MTHFD2L: variants seen among roughly 807,000 people sequenced by gnomAD.
MTHFD2L encodes methylenetetrahydrofolate dehydrogenase (NADP+ dependent) 2 like.
MTHFD2L carries 29 observed loss-of-function variants against 34.9 expected under a neutral mutation model. The ratio of observed to expected loss-of-function variants is 0.83; its 90% CI spans 0.62 to 1.13. The LOEUF (loss-of-function observed/expected upper bound fraction) is 1.13. Ranked by LOEUF, MTHFD2L falls within the 50% of genes most tolerant of loss-of-function variation. The pLI, the probability that MTHFD2L is intolerant of heterozygous loss-of-function variation, is 0.00. For synonymous variants in MTHFD2L, 167 were observed against 155.7 expected (o/e 1.07, Z -0.54); for missense variants, 481 against 446.5 (o/e 1.08, Z -0.70).
chr4:74,194,309 A>G (rs1315520299), intron 3 of MTHFD2L: 2 of 152,200 alleles, frequency 1.3e-5, no homozygotes, highest in African/African-American at 4.8e-5. Context: ...TTAAGCAAGT[A>G]GGACTGAATA....
At chr4:74,280,762 T>C (rs776999605) in intron 6 of MTHFD2L, among the ~76,000 whole-genome samples, 1 of 151,848 alleles carries the variant, frequency 6.6e-6, no homozygotes, top group Non-Finnish European at 1.5e-5. Flanking sequence ...ATAAGACCAA[T>C]AGTGAGGAGA....
upstream of MTHFD2L, among the ~76,000 whole-genome samples, chr4:74,122,854 T>G (rs886306415): frequency 5.2e-4 from 79 of 152,236 alleles, no homozygotes; most frequent in African/African-American, 1.9e-3. Flanking sequence ...TCACCATTAA[T>G]TTCCTAGTTT....
chr4:74,271,880 T>C (rs527301190), intron 6 of MTHFD2L, among the ~76,000 whole-genome samples: 25 of 152,238 alleles, frequency 1.6e-4, no homozygotes, highest in South Asian at 6.2e-4. Context: ...TGAAGAGGTC[T>C]TTCACATCCC....
chr4:74,140,375 A>T (rs1234367226), intron 1 of MTHFD2L: 1 of 221,240 alleles, frequency 4.5e-6, no homozygotes, highest in Non-Finnish European at 7.6e-6. Flanking sequence ...TGTCTGGCAT[A>T]AAGCAAACCT....
chr4:74,249,792 A>G (rs1449399795), intron 6 of MTHFD2L, among the ~76,000 whole-genome samples: 1 of 152,160 alleles, frequency 6.6e-6, no homozygotes, highest in Non-Finnish European at 1.5e-5. Context: ...TTTCTTTAAG[A>G]ATGTTGAATA....
In MTHFD2L at chr4:74,239,901, A is replaced by G. The variant is rs183973179; in HGVS notation, c.805+14507A>G. Among the ~76,000 whole-genome samples, 143 of 152,330 alleles carry G rather than the reference A, an allele frequency of 9.4e-4. 1 individual carries two copies. Among genetic ancestry groups the G allele is most frequent in the Middle Eastern group, 3.4e-3 (1 of 294 alleles). On this transcript the variant is annotated intron_variant, in intron 6 of 7. Transcript: ENST00000325278. Reference sequence around the variant, plus strand: ...GAAAGATTCCTTGTCTCTGTAAAATACACAGACACATACACTCCCAAATCC... The same window carrying G: ...GAAAGATTCCTTGTCTCTGTAAAATGCACAGACACATACACTCCCAAATCC...
chr4:74,135,009 CAA>C (rs1722807415), intron 1 of MTHFD2L, among the ~76,000 whole-genome samples: 3 of 152,004 alleles, frequency 2.0e-5, no homozygotes, highest in South Asian at 4.2e-4. Flanking sequence ...TATTGATGTT[CAA>C]GAGAGAGCAG....
At chr4:74,173,548 GAGTAAGTTAA>G (rs761295766) in intron 1 of MTHFD2L, among the ~76,000 whole-genome samples, 33 of 152,194 alleles carry the variant, frequency 2.2e-4, no homozygotes, top group Non-Finnish European at 4.1e-4. Flanking sequence ...ATTTTTCTTT[GAGTAAGTTAA>G]AAGAGTTGTG....
intron 6 of MTHFD2L, among the ~76,000 whole-genome samples, chr4:74,255,227 G>GGGAA (rs1445352906): frequency 2.0e-5 from 3 of 151,842 alleles, no homozygotes; most frequent in Non-Finnish European, 4.4e-5. Flanking sequence ...TAATTTGTGG[G>GGGAA]GGAAGGAGAA....
At chr4:74,232,787 C>T (rs1180357591) in intron 6 of MTHFD2L, among the ~76,000 whole-genome samples, 1 of 149,300 alleles carries the variant, frequency 6.7e-6, no homozygotes, top group Non-Finnish European at 1.5e-5. Context: ...TATTTAGCAG[C>T]TCTACACCAT....
chr4:74,140,567 CA>C, intron 1 of MTHFD2L: 2 of 978,218 alleles, frequency 2.0e-6, no homozygotes, highest in Non-Finnish European at 2.4e-6. Flanking sequence ...GGCTATACTA[CA>C]AAAAAGGCAA....
intron 6 of MTHFD2L, among the ~76,000 whole-genome samples, chr4:74,265,934 A>C (rs1483939140): frequency 6.6e-6 from 1 of 152,208 alleles, no homozygotes; most frequent in Non-Finnish European, 1.5e-5. Context: ...TTTAACAAAC[A>C]AAGCACCATT....
chr4:74,234,839 CAGAT>C (rs1740617491), intron 6 of MTHFD2L, among the ~76,000 whole-genome samples: 1 of 146,570 alleles, frequency 6.8e-6, no homozygotes, highest in Non-Finnish European at 1.5e-5. Context: ...GTAAGAGACA[CAGAT>C]AGATTGAAAA....
intron 1 of MTHFD2L, among the ~76,000 whole-genome samples, chr4:74,147,326 G>C (rs1006478035): frequency 8.5e-5 from 13 of 152,144 alleles, no homozygotes; most frequent in African/African-American, 3.1e-4. Flanking sequence ...CAAACTCAGA[G>C]CCCTGCTCCT....
chr4:74,224,807 CT>C (rs142833760), intron 5 of MTHFD2L, among the ~76,000 whole-genome samples: 1,771 of 152,210 alleles, frequency 0.012, 39 homozygotes, highest in African/African-American at 0.041. Flanking sequence ...TAGAACACTT[CT>C]GCTCATGCAT....
intron 7 of MTHFD2L, among the ~76,000 whole-genome samples, chr4:74,290,405 T>C (rs1748737179): frequency 6.6e-6 from 1 of 152,194 alleles, no homozygotes; most frequent in Non-Finnish European, 1.5e-5. Context: ...CAACCTTTCA[T>C]AAAAGACTAT....
chr4:74,126,946 G>A (rs1250370829), intron 1 of MTHFD2L, among the ~76,000 whole-genome samples: 1 of 151,896 alleles, frequency 6.6e-6, no homozygotes, highest in Admixed American at 6.6e-5. Context: ...ATTGAATCAT[G>A]GGGGCGATTT....
chr4:74,170,669 A>C (rs1727731492), intron 1 of MTHFD2L, among the ~76,000 whole-genome samples: 1 of 152,154 alleles, frequency 6.6e-6, no homozygotes, highest in Non-Finnish European at 1.5e-5. Flanking sequence ...ACAATATTTC[A>C]AACCCCATAT....
chr4:74,233,276 G>C (rs918816349), intron 6 of MTHFD2L, among the ~76,000 whole-genome samples: 1 of 152,142 alleles, frequency 6.6e-6, no homozygotes, highest in Non-Finnish European at 1.5e-5. Flanking sequence ...TAGAAGCCTA[G>C]TGTGTGGGGA....
Sources: allele counts gnomAD v4.1 joint callset (sites outside exome capture counted in the v4.1 genomes callset), GRCh38; gene constraint gnomAD v4.1.1; transcripts MANE v1.5; gene names NCBI Gene and HGNC (gene_info 2026-07-23, HGNC 2026-07-21).